GOLGA3: variants seen among roughly 807,000 people sequenced by gnomAD.
GOLGA3 encodes the protein golgin subfamily A member 3.
Under a neutral mutation model 169.4 loss-of-function variants are expected in GOLGA3, and 75 were observed. The observed-to-expected ratio is 0.44, with a 90% CI of 0.37 to 0.54. The LOEUF (loss-of-function observed/expected upper bound fraction) is 0.54, where lower values mean the gene tolerates loss of function less well. Among genes scored for constraint, GOLGA3 ranks in the 20% least tolerant of loss-of-function variants. GOLGA3 has a pLI of 0.00. For missense variants in GOLGA3, 1,899 were observed against 1,930.0 expected (o/e 0.98, Z 0.30); for synonymous variants, 824 against 822.4 (o/e 1.00, Z -0.03).
intron 15 of GOLGA3, among the ~76,000 whole-genome samples, chr12:132,784,735 CCA>C (rs1372400651): frequency 5.3e-5 from 8 of 149,646 alleles, no homozygotes; most frequent in African/African-American, 2.0e-4. Context: ...TGCTCACACC[CCA>C]CACGCACATG....
rs755370606 is a variant in GOLGA3, at chr12:132,784,158, C to T, written c.3267+6G>A. ...GCTGCCGCCACAGCAGATGGCCAGG[C>T]CTCACCTCGTCCTCCAGCTCCAGCA... On this transcript the variant is annotated splice_donor_region_variant and intron_variant, in intron 16 of 23. Coordinates refer to ENST00000450791, the MANE Select transcript of GOLGA3 (RefSeq NM_001389683.1). 50 of 1,605,812 alleles carry T rather than the reference C, an allele frequency of 3.1e-5. No homozygotes were observed. In the East Asian group the frequency reaches 8.7e-4, roughly 28 times the overall value.
intron 2 of GOLGA3, among the ~76,000 whole-genome samples, chr12:132,821,098 T>C (rs1224950988): frequency 1.8e-4 from 3 of 16,832 alleles, no homozygotes; most frequent in Admixed American, 8.1e-4. Context: ...GGACACCGTC[T>C]CAAAAAAAAA....
rs2045775748 is a variant in GOLGA3, at chr12:132,784,300, A to G, written c.3131T>C (p.Ile1044Thr). 1 of 1,606,902 alleles carries G rather than the reference A, an allele frequency of 6.2e-7. No individual in the cohort carries two copies. Among genetic ancestry groups the G allele is most frequent in the Non-Finnish European group, 8.5e-7 (1 of 1,179,424 alleles). The change falls in exon 16 of 24, where the codon ATC (isoleucine) becomes ACC (threonine). Residue 1044 changes from isoleucine to threonine, a missense_variant. By Grantham distance (89) the Ile-to-Thr change is moderately conservative. Coordinates refer to ENST00000450791, the MANE Select transcript of GOLGA3 (RefSeq NM_001389683.1). Reference sequence around the variant, plus strand: ...CTGCAGCTCCGCCTCCAGGGCCTGGATCCTTTCCTAAGGGCCAAGATGGAA... The same window carrying G: ...CTGCAGCTCCGCCTCCAGGGCCTGGGTCCTTTCCTAAGGGCCAAGATGGAA... ...SDSSLALHER[I>T]QALEAELQAV...
In GOLGA3 at chr12:132,774,174, G is replaced by A; in HGVS notation, c.4290C>T (p.Ser1430=). The A allele has an allele frequency of 6.2e-7, 1 of 1,604,248 alleles. No homozygotes were observed. The change falls in exon 23 of 24, where the codon AGC becomes AGT. Residue 1430 remains serine, a synonymous_variant. Transcript: ENST00000450791. ...VSKEPLKNLN[S]CLQQLKQEMD... ...GGTCGTACTTGAGCTGCTGGAGGCA[G>A]CTGTTCAGGTTCTTGAGGGGCTCCT...
intron 8 of GOLGA3, 96 bp downstream of exon 8, chr12:132,801,671 T>C: frequency 2.5e-6 from 3 of 1,204,058 alleles, no homozygotes; most frequent in South Asian, 1.3e-5. Context: ...AAAACATGCC[T>C]GTGAACTCTA....
intron 16 of GOLGA3, chr12:132,783,874 G>A (rs112062996): frequency 2.5e-5 from 35 of 1,422,028 alleles, no homozygotes; most frequent in Middle Eastern, 5.1e-4. Flanking sequence ...CTCGCCTGGC[G>A]AAGTTGGGTT....
chr12:132,821,132 C>G (rs981825385), intron 2 of GOLGA3, among the ~76,000 whole-genome samples: 1 of 138,502 alleles, frequency 7.2e-6, no homozygotes, highest in Non-Finnish European at 1.5e-5. Context: ...AATGGCTGGG[C>G]GCAGTGGCTC....
chr12:132,777,940 G>A lies in GOLGA3; in HGVS notation c.3583-135C>T. On this transcript the variant is annotated intron_variant, in intron 18 of 23. Transcript: ENST00000450791. The surrounding 1 kb of genome is among the most constrained non-coding windows in gnomAD (Gnocchi z 4.7). Reference sequence around the variant, plus strand: ...CCGGCGTGTGCTTCTCCACAGGCCTGTCAAGTTCCTTGTAAAGATGAAACC... The same window carrying A: ...CCGGCGTGTGCTTCTCCACAGGCCTATCAAGTTCCTTGTAAAGATGAAACC... The A allele has an allele frequency of 1.1e-6, 1 of 936,790 alleles. No homozygotes were observed. The highest frequency in any genetic ancestry group is 1.7e-5 in the African/African-American group (1 of 60,256). 58.0% of individuals were successfully genotyped at this position (936,790 alleles called of 1,614,324 possible). A position where few individuals can be genotyped will look rare whatever the true frequency, so the allele number is the denominator to read the frequency against.
In GOLGA3 at chr12:132,769,888, G is replaced by A. The variant is rs933144593; in HGVS notation, c.*3217C>T. The A allele has an allele frequency of 1.3e-5, 2 of 152,120 alleles. No individual in the cohort carries two copies. Among genetic ancestry groups the A allele is most frequent in the African/African-American group, 2.4e-5 (1 of 41,406 alleles). 9.4% of individuals were successfully genotyped at this position (152,120 alleles called of 1,614,324 possible). A position where few individuals can be genotyped will look rare whatever the true frequency, so the allele number is the denominator to read the frequency against. ...AGTAACTCTGGAAGGTAGAAGTGCCGGGAGAGTCCCTTGGAGATAAAAAAA... is the reference window on the plus strand; with the variant it reads ...AGTAACTCTGGAAGGTAGAAGTGCCAGGAGAGTCCCTTGGAGATAAAAAAA... On this transcript the variant is annotated 3_prime_UTR_variant, in exon 24 of 24. Transcript: ENST00000450791.
At chr12:132,819,778 A>T (rs1268054985) in intron 2 of GOLGA3, among the ~76,000 whole-genome samples, 1 of 151,350 alleles carries the variant, frequency 6.6e-6, no homozygotes, top group Non-Finnish European at 1.5e-5. Context: ...AGTGGCTCAC[A>T]CCTGTAATCC....
At chr12:132,792,842 C>G (rs574691052) in intron 11 of GOLGA3, among the ~76,000 whole-genome samples, 9 of 119,002 alleles carry the variant, frequency 7.6e-5, no homozygotes, top group African/African-American at 2.9e-4. Context: ...CCACACGGAC[C>G]GACCACACGG....
At position 132,773,214 on chromosome 12, in the gene GOLGA3, A is replaced by G. The variant is rs995883806; in HGVS notation, c.4388T>C (p.Leu1463Pro). The G allele has an allele frequency of 1.3e-6, 2 of 1,576,232 alleles. No homozygotes were observed. Among genetic ancestry groups the G allele is most frequent in the South Asian group, 1.1e-5 (1 of 87,346 alleles). Residue 1463 changes from leucine to proline, a missense_variant, in exon 24 of 24, where the codon CTG (leucine) becomes CCG (proline). Transcript: ENST00000450791. ...VHESLSSWTP[L>P]EPATASPVPP... ...CACAGGGCTGGCAGTGGCTGGCTCCAGCGGCGTCCACGAGGACAGAGACTC... is the reference window on the plus strand; with the variant it reads ...CACAGGGCTGGCAGTGGCTGGCTCCGGCGGCGTCCACGAGGACAGAGACTC...
intron 15 of GOLGA3, among the ~76,000 whole-genome samples, chr12:132,785,931 A>G (rs2045874063): frequency 6.6e-6 from 1 of 152,156 alleles, no homozygotes; most frequent in African/African-American, 2.4e-5. Flanking sequence ...GAACCCTGTC[A>G]ATCGCTGACC....
rs1364639407 is a variant in GOLGA3, at chr12:132,776,733, C to T, written c.3879G>A (p.Val1293=). ...NQEMENLKWE[V]DQKEREIQSL... ...ACTGGATTTCTCTTTCTTTCTGATC[C>T]ACCTCCCATTTGAGATTTTCCATCT... is the stretch of plus-strand genomic sequence containing the variant. Residue 1293 remains valine (V), a synonymous_variant, in exon 21 of 24, where the codon GTG becomes GTA. Transcript: ENST00000450791. 6.2e-7 allele frequency: 1 copy of T among 1,614,074 alleles called. No homozygotes were observed. Among genetic ancestry groups the T allele is most frequent in the Non-Finnish European group, 8.5e-7 (1 of 1,180,000 alleles).
intron 1 of GOLGA3, among the ~76,000 whole-genome samples, chr12:132,823,174 C>T (rs1445671903): frequency 6.6e-6 from 1 of 152,240 alleles, no homozygotes; most frequent in East Asian, 1.9e-4. Context: ...AGGGCCCGTT[C>T]CCGTCTTTAC....
rs1949524051 is a variant in GOLGA3 at position 132,808,286 on chromosome 12, T to A, written c.783A>T (p.Gly261=). 1.2e-6 allele frequency: 2 copies of A among 1,614,024 alleles called. No homozygotes were observed. Among genetic ancestry groups the A allele is most frequent in the African/African-American group, 2.7e-5 (2 of 74,994 alleles). ...TGGTAGAATCGGGAGCCGGGACATT[T>A]CCCCCAGAATTCCCCGCATTTGAAT... ...TEDSNAGNSG[G]NVPAPDSTKG... The change falls in exon 5 of 24, where the codon GGA becomes GGT. Residue 261 remains glycine (G), a synonymous_variant. Transcript: ENST00000450791.
intron 17 of GOLGA3, 22 bp from the exon 18 acceptor site, chr12:132,780,936 C>T (rs201561969): frequency 5.8e-6 from 9 of 1,565,078 alleles, no homozygotes; most frequent in African/African-American, 5.4e-5. Context: ...TGCAGGAGGA[C>T]AGATAAGGAA....
chr12:132,818,729 T>A (rs953196909), intron 2 of GOLGA3, among the ~76,000 whole-genome samples: 5 of 151,892 alleles, frequency 3.3e-5, no homozygotes, highest in Non-Finnish European at 5.9e-5. Context: ...GATTTTGGAG[T>A]CATTTCAAAG....
chr12:132,819,904 G>A (rs1413011032), intron 2 of GOLGA3, among the ~76,000 whole-genome samples: 2 of 152,226 alleles, frequency 1.3e-5, no homozygotes, highest in East Asian at 3.8e-4. Flanking sequence ...AGGCAACAGG[G>A]CGCGGTGGCT....
Sources: allele counts gnomAD v4.1 joint callset (sites outside exome capture counted in the v4.1 genomes callset), GRCh38; gene constraint gnomAD v4.1.1; non-coding constraint Gnocchi (gnomAD v3.1); transcripts MANE v1.5; gene names NCBI Gene and HGNC (gene_info 2026-07-23, HGNC 2026-07-21).